VPS41: variants seen among roughly 807,000 people sequenced by gnomAD.
The protein encoded by VPS41 is VPS41 subunit of HOPS complex.
A neutral mutation model predicts 130.9 loss-of-function variants in VPS41; 85 were observed. The ratio of observed to expected loss-of-function variants is 0.65; its 90% CI spans 0.55 to 0.78. The LOEUF is 0.78. Among genes scored for constraint, VPS41 ranks in the 30% least tolerant of loss-of-function variants. The pLI, the probability that VPS41 is intolerant of heterozygous loss-of-function variation, is 0.00. For missense variants in VPS41, 874 were observed against 1,018.7 expected (o/e 0.86, Z 1.93); for synonymous variants, 335 against 332.9 (o/e 1.01, Z -0.07).
At chr7:38,797,036 C>T in intron 7 of VPS41, 172 bp from the exon 8 acceptor site, 1 of 705,678 alleles carries the variant, frequency 1.4e-6, no homozygotes, top group Non-Finnish European at 2.3e-6. Flanking sequence ...GAATTCCTAG[C>T]ACATCATATT....
intron 1 of VPS41, among the ~76,000 whole-genome samples, chr7:38,899,802 T>A (rs931583403): frequency 3.9e-5 from 6 of 152,330 alleles, no homozygotes; most frequent in Middle Eastern, 3.4e-3. Flanking sequence ...AGATTCCTAT[T>A]TCCTGTATGT....
intron 4 of VPS41, among the ~76,000 whole-genome samples, chr7:38,850,609 G>A (rs924208592): frequency 2.6e-5 from 4 of 152,072 alleles, no homozygotes; most frequent in African/African-American, 9.7e-5. Flanking sequence ...TTAATAATAG[G>A]AAGACTGGTA....
chr7:38,902,381 T>C (rs1387647056), intron 1 of VPS41, among the ~76,000 whole-genome samples: 3 of 152,156 alleles, frequency 2.0e-5, no homozygotes, highest in Non-Finnish European at 4.4e-5. Flanking sequence ...CTCGCCGAGA[T>C]ATTGCTTATA....
chr7:38,870,031 C>T (rs1053292096), intron 2 of VPS41, among the ~76,000 whole-genome samples: 5 of 152,178 alleles, frequency 3.3e-5, no homozygotes, highest in African/African-American at 1.2e-4. Context: ...TGGCATTCTA[C>T]AGCCACTTTC....
At chr7:38,783,426 T>C (rs2115908105) in intron 10 of VPS41, among the ~76,000 whole-genome samples, 1 of 151,998 alleles carries the variant, frequency 6.6e-6, no homozygotes, top group African/African-American at 2.4e-5. Context: ...TCCCAGCTAC[T>C]TGGGAGGCTG....
intron 1 of VPS41, among the ~76,000 whole-genome samples, chr7:38,903,878 C>T (rs1280359375): frequency 1.3e-5 from 2 of 152,174 alleles, no homozygotes; most frequent in African/African-American, 4.8e-5. Flanking sequence ...CTACTGCACT[C>T]ATCTTATTCT....
At chr7:38,821,968 AGT>A (rs1323611709) in intron 5 of VPS41, among the ~76,000 whole-genome samples, 1 of 151,776 alleles carries the variant, frequency 6.6e-6, no homozygotes, top group Non-Finnish European at 1.5e-5. Context: ...ATTTTTTTTT[AGT>A]GTCTCTCATA....
At chr7:38,835,221 C>A (rs1237035462) in intron 4 of VPS41, among the ~76,000 whole-genome samples, 1 of 151,770 alleles carries the variant, frequency 6.6e-6, no homozygotes. Context: ...CAACAATTCA[C>A]TTTATTTTAA....
intron 4 of VPS41, among the ~76,000 whole-genome samples, chr7:38,859,286 A>C (rs1786051574): frequency 6.6e-6 from 1 of 152,186 alleles, no homozygotes; most frequent in Non-Finnish European, 1.5e-5. Flanking sequence ...CTAATGTATT[A>C]GTGGAGAAAG....
At position 38,772,594 on chromosome 7, in the gene VPS41, TC is replaced by T. The variant is rs1562580902; in HGVS notation, c.1055del (p.Arg352LysfsTer4). 1.9e-6 allele frequency: 3 copies of T among 1,613,626 alleles called. No individual in the cohort carries two copies. The highest frequency in any genetic ancestry group is 2.5e-6 in the Non-Finnish European group (3 of 1,179,684). ...GESLFYIVSP[R>X]DVVVAKERDQ... ...CTCGTTCCTTGGCCACTACAACATC[TC>T]TCGGACTCACGATGTAAAAAAGTGA... On this transcript the variant is annotated frameshift_variant, in exon 13 of 29. Coordinates refer to ENST00000310301, the MANE Select transcript of VPS41 (RefSeq NM_014396.4). LOFTEE classifies it high-confidence loss of function.
chr7:38,797,935 ACGACAGTTTGAAGTTGTG>A (rs1001576677), intron 7 of VPS41, among the ~76,000 whole-genome samples: 20 of 152,346 alleles, frequency 1.3e-4, no homozygotes, highest in African/African-American at 4.6e-4. Flanking sequence ...TTAAAATGCT[ACGACAGTTTGAAGTTGTG>A]TGACTTCACA....
intron 5 of VPS41, 72 bp downstream of exon 5, chr7:38,830,182 A>T (rs1420025230): frequency 1.1e-6 from 1 of 912,550 alleles, no homozygotes; most frequent in Non-Finnish European, 1.8e-6. Flanking sequence ...GTTATATAGT[A>T]AGCAAGGTGC....
At chr7:38,727,265 A>T (rs763200169) in intron 27 of VPS41, 6 of 231,276 alleles carry the variant, frequency 2.6e-5, no homozygotes, top group Non-Finnish European at 4.2e-5. Flanking sequence ...CAGCAAGTGT[A>T]TGTGCCAATG....
chr7:38,901,186 T>C (rs747143596), intron 1 of VPS41, among the ~76,000 whole-genome samples: 40 of 152,058 alleles, frequency 2.6e-4, no homozygotes, highest in Non-Finnish European at 4.7e-4. Context: ...AAAACAGAGG[T>C]TACCAAAGGC....
chr7:38,862,671 T>C (rs752116863), intron 3 of VPS41, 49 bp from the exon 4 acceptor site: 10 of 1,170,628 alleles, frequency 8.5e-6, no homozygotes, highest in Non-Finnish European at 1.3e-5. Flanking sequence ...ATACTATTAA[T>C]ACACAAGTAG....
intron 5 of VPS41, among the ~76,000 whole-genome samples, chr7:38,828,080 G>A (rs1217466283): frequency 1.3e-4 from 20 of 152,050 alleles, no homozygotes. Context: ...TCAGAAAAAA[G>A]GGAGCAACAT....
At chr7:38,816,357 C>G (rs536211371) in intron 7 of VPS41, among the ~76,000 whole-genome samples, 1 of 152,270 alleles carries the variant, frequency 6.6e-6, no homozygotes, top group African/African-American at 2.4e-5. Context: ...CTCATTACAA[C>G]GAGTCATGTA....
At chr7:38,815,220 T>C (rs184443200) in intron 7 of VPS41, among the ~76,000 whole-genome samples, 9 of 152,248 alleles carry the variant, frequency 5.9e-5, no homozygotes, top group Non-Finnish European at 1.3e-4. Flanking sequence ...AGTCAGGAGT[T>C]TGAGACCAGC....
intron 1 of VPS41, among the ~76,000 whole-genome samples, chr7:38,902,638 T>G (rs1184767611): frequency 6.6e-6 from 1 of 152,188 alleles, no homozygotes; most frequent in Non-Finnish European, 1.5e-5. Context: ...CCTGCTCATG[T>G]GCACCACCCC....
Sources: gnomAD v4.1 joint callset for allele counts (sites outside exome capture counted in the v4.1 genomes callset) on GRCh38, gnomAD v4.1.1 for gene constraint, MANE v1.5 for transcripts, NCBI Gene and HGNC (gene_info 2026-07-23, HGNC 2026-07-21) for gene names.